The following KCND3 variants were observed in gnomAD, a reference collection of about 807,000 sequenced individuals.
The protein encoded by KCND3 is A-type voltage-gated potassium channel KCND3.
Under a neutral mutation model 51.1 loss-of-function variants are expected in KCND3, and 9 were observed. That is an observed-to-expected ratio of 0.18 (90% CI 0.11 to 0.31). The LOEUF is 0.31. Among genes scored for constraint, KCND3 ranks in the 10% least tolerant of loss-of-function variants. The pLI is 1.00. For missense variants in KCND3, 526 were observed against 903.8 expected, an observed-to-expected ratio of 0.58 and a Z score of 5.36; for synonymous variants, 349 against 368.0, an observed-to-expected ratio of 0.95 and a Z score of 0.59.
At chr1:111,976,259 A>G (rs1674618172) in intron 2 of KCND3, among the ~76,000 whole-genome samples, 1 of 152,216 alleles carries the variant, frequency 6.6e-6, no homozygotes, top group South Asian at 2.1e-4. Flanking sequence ...AGTCTGCAGG[A>G]AAAAGCGTAG....
rs749849320 is a variant in KCND3 at position 111,982,034 on chromosome 1, C to G, written c.693G>C (p.Thr231=). ...CCACGGTGAAGATCATGACGCACGC[C>G]GTGTCCAGGCAGAAGAAGGCCACCG... ...RYSVAFFCLD[T]ACVMIFTVEY... The change falls in exon 2 of 8, where the codon ACG becomes ACC. Residue 231 remains threonine, a synonymous_variant. Coordinates refer to ENST00000302127, the MANE Select transcript of KCND3 (RefSeq NM_001378969.1). The surrounding 1 kb of genome is among the most constrained non-coding windows in gnomAD (Gnocchi z 8.5). 9.9e-6 allele frequency: 16 copies of G among 1,613,672 alleles called. No individual in the cohort carries two copies. The highest frequency in any genetic ancestry group is 4.0e-5 in the African/African-American group (3 of 74,870).
intron 2 of KCND3, among the ~76,000 whole-genome samples, chr1:111,834,860 T>A (rs1176752992): frequency 6.6e-6 from 1 of 152,222 alleles, no homozygotes; most frequent in Non-Finnish European, 1.5e-5. Context: ...AGGCCCTCCA[T>A]CAGCCAGGAT....
intron 2 of KCND3, among the ~76,000 whole-genome samples, chr1:111,892,388 G>A (rs1431105856): frequency 6.6e-6 from 1 of 152,226 alleles, no homozygotes; most frequent in Non-Finnish European, 1.5e-5. Flanking sequence ...CAATGTGTGA[G>A]TCTTGAGACC....
chr1:111,834,910 T>C (rs551877639), intron 2 of KCND3, among the ~76,000 whole-genome samples: 3 of 152,328 alleles, frequency 2.0e-5, no homozygotes, highest in African/African-American at 7.2e-5. Flanking sequence ...AATATCCTTC[T>C]TAAAATGTGG....
At chr1:111,943,338 A>G (rs1557735369) in intron 2 of KCND3, among the ~76,000 whole-genome samples, 1 of 151,812 alleles carries the variant, frequency 6.6e-6, no homozygotes, top group Non-Finnish European at 1.5e-5. Flanking sequence ...GCCCAGCCTC[A>G]CCCAGCCTGC....
rs1017377102 is a variant in KCND3 at position 111,843,152 on chromosome 1, C to A, written c.1107-56046G>T. Among the ~76,000 whole-genome samples, 33 of 152,134 alleles carry A rather than the reference C, an allele frequency of 2.2e-4. 1 individual carries two copies. The highest frequency in any genetic ancestry group is 2.9e-5 in the Non-Finnish European group (2 of 68,016). On this transcript the variant is annotated intron_variant, in intron 2 of 7. Transcript: ENST00000302127. ...CAAGTTGAGCTCAGAAAAATGCTAG[C>A]TGGGTTCTGTGGAGTGGATGAGAGA... is the stretch of plus-strand genomic sequence containing the variant.
At chr1:111,895,041 T>C (rs10857913) in intron 2 of KCND3, among the ~76,000 whole-genome samples, 74,325 of 137,860 alleles carry the variant, frequency 0.54, 20,002 homozygotes, top group East Asian at 0.78. Flanking sequence ...GAGAGGGAGA[T>C]GTGGAGAGGG....
At chr1:111,970,804 C>T (rs1674288177) in intron 2 of KCND3, among the ~76,000 whole-genome samples, 1 of 152,216 alleles carries the variant, frequency 6.6e-6, no homozygotes, top group African/African-American at 2.4e-5. Context: ...TTAGTCCCCA[C>T]CTCTTTCTCT....
chr1:111,854,584 C>T (rs980500654), intron 2 of KCND3, among the ~76,000 whole-genome samples: 11 of 152,166 alleles, frequency 7.2e-5, no homozygotes, highest in Admixed American at 3.3e-4. Context: ...GAGACACTGA[C>T]CCTTGCCACT....
At position 111,981,561 on chromosome 1, in the gene KCND3, A is replaced by C; in HGVS notation, c.1106+60T>G. ...CCATGGTGACACCATCCAAGGTTTC[A>C]GAGGTCATCCAGCTGCCCTCCAACC... is the stretch of plus-strand genomic sequence containing the variant. On this transcript the variant is annotated intron_variant, in intron 2 of 7. Transcript: ENST00000302127. The surrounding 1 kb of genome is among the most constrained non-coding windows in gnomAD (Gnocchi z 6.2). The C allele has an allele frequency of 1.2e-6, 2 of 1,610,674 alleles. No homozygotes were observed. Among genetic ancestry groups the C allele is most frequent in the Non-Finnish European group, 1.7e-6 (2 of 1,177,380 alleles).
intron 2 of KCND3, among the ~76,000 whole-genome samples, chr1:111,971,032 G>A (rs1674299176): frequency 6.6e-6 from 1 of 152,184 alleles, no homozygotes; most frequent in Non-Finnish European, 1.5e-5. Context: ...AATGAGAGAA[G>A]TGGTGTCTTA....
chr1:111,954,793 C>T (rs1673240780), intron 2 of KCND3, among the ~76,000 whole-genome samples: 1 of 152,234 alleles, frequency 6.6e-6, no homozygotes, highest in African/African-American at 2.4e-5. Context: ...CTCTGGGACT[C>T]TAACCTAAAT....
At chr1:111,928,529 C>T (rs568862729) in intron 2 of KCND3, among the ~76,000 whole-genome samples, 6 of 152,336 alleles carry the variant, frequency 3.9e-5, no homozygotes, top group Admixed American at 1.3e-4. Context: ...GACGGCATCA[C>T]GCAATTGGTG....
intron 2 of KCND3, among the ~76,000 whole-genome samples, chr1:111,971,808 A>C (rs968549161): frequency 3.3e-5 from 5 of 152,108 alleles, no homozygotes; most frequent in Non-Finnish European, 7.4e-5. Flanking sequence ...TACTCATGCC[A>C]ACTCCACACC....
rs72548738 is a variant in KCND3, at chr1:111,775,819, AC to A, written c.*257del. On this transcript the variant is annotated 3_prime_UTR_variant, in exon 8 of 8. Transcript: ENST00000302127. ...GCCTATATCCCCCGGCCTATCCCCGACCCCCCCACCCTCCCTCCCTTCCTCT... is the reference window on the plus strand; with the variant it reads ...GCCTATATCCCCCGGCCTATCCCCGACCCCCCACCCTCCCTCCCTTCCTCT... 5.1e-5 allele frequency: 5 copies of A among 98,414 alleles called. No homozygotes were observed. The highest frequency in any genetic ancestry group is 1.9e-4 in the South Asian group (1 of 5,210). 6.1% of individuals were successfully genotyped at this position (98,414 alleles called of 1,614,324 possible).
intron 2 of KCND3, among the ~76,000 whole-genome samples, chr1:111,846,222 C>G (rs1667541013): frequency 5.9e-5 from 9 of 152,180 alleles, no homozygotes; most frequent in Non-Finnish European, 1.3e-4. Context: ...GGATATATGG[C>G]CACCCTAACT....
intron 2 of KCND3, among the ~76,000 whole-genome samples, chr1:111,963,782 T>C (rs946941573): frequency 7.9e-5 from 12 of 152,314 alleles, no homozygotes; most frequent in African/African-American, 2.6e-4. Flanking sequence ...AAGGTAATAG[T>C]GGACCTTATG....
intron 2 of KCND3, among the ~76,000 whole-genome samples, chr1:111,787,571 G>A (rs866126978): frequency 7.9e-5 from 12 of 152,294 alleles, no homozygotes; most frequent in African/African-American, 2.6e-4. Context: ...TCTAGGAATT[G>A]TCAAAGGGTC....
intron 2 of KCND3, among the ~76,000 whole-genome samples, chr1:111,949,235 C>T (rs1259325849): frequency 6.6e-6 from 1 of 152,180 alleles, no homozygotes; most frequent in South Asian, 2.1e-4. Flanking sequence ...GGTGGATCTC[C>T]GGGTGCCTTG....
Sources: allele counts gnomAD v4.1 joint callset (sites outside exome capture counted in the v4.1 genomes callset), GRCh38; gene constraint gnomAD v4.1.1; non-coding constraint Gnocchi (gnomAD v3.1); transcripts MANE v1.5; gene names NCBI Gene and HGNC (gene_info 2026-07-23, HGNC 2026-07-21).